Variants in DNAJC5B observed in about 807,000 individuals in gnomAD.
DNAJC5B encodes the protein DnaJ heat shock protein family (Hsp40) member C5 beta.
A neutral mutation model predicts 24.7 loss-of-function variants in DNAJC5B; 23 were observed. That is an observed-to-expected ratio of 0.93 (90% confidence interval 0.67 to 1.32). DNAJC5B has a LOEUF of 1.32. DNAJC5B is among the 40% of genes most tolerant of loss of function. The pLI, the probability that DNAJC5B is intolerant of heterozygous loss-of-function variation, is 0.00. For missense variants in DNAJC5B, 238 were observed against 240.8 expected, an observed-to-expected ratio of 0.99 and a Z score of 0.08; for synonymous variants, 101 against 90.1, an observed-to-expected ratio of 1.12 and a Z score of -0.68.
intron 1 of DNAJC5B, among the ~76,000 whole-genome samples, chr8:66,042,818 A>C (rs1287867849): frequency 6.6e-6 from 1 of 150,506 alleles, no homozygotes; most frequent in Admixed American, 6.7e-5. Flanking sequence ...AAAAACTCTC[A>C]ACTAGAGGTG....
At chr8:66,089,363 C>G (rs1023097133) in intron 5 of DNAJC5B, among the ~76,000 whole-genome samples, 2 of 152,170 alleles carry the variant, frequency 1.3e-5, no homozygotes, top group Non-Finnish European at 2.9e-5. Flanking sequence ...CAGAGCCAAA[C>G]CATATCAGTG....
At chr8:66,045,921 C>T (rs1563592532) in intron 2 of DNAJC5B, among the ~76,000 whole-genome samples, 1 of 152,150 alleles carries the variant, frequency 6.6e-6, no homozygotes, top group Non-Finnish European at 1.5e-5. Context: ...CATTGGTGTA[C>T]CCAGTAAAAG....
intron 3 of DNAJC5B, among the ~76,000 whole-genome samples, chr8:66,053,552 G>A (rs1012250223): frequency 6.6e-6 from 1 of 150,502 alleles, no homozygotes; most frequent in African/African-American, 2.4e-5. Context: ...TTAATATTCT[G>A]TTTCCTTCTA....
chr8:66,052,365 G>A lies in DNAJC5B; in HGVS notation c.119+699G>A, dbSNP rs113364828. On this transcript the variant is annotated intron_variant, in intron 3 of 5. Transcript: ENST00000276570. ...TGTATTTGTAAGCTATACTTCTCAAGCCCTTAATTTTGATCTTTTGTGGTC... is the reference window on the plus strand; with the variant it reads ...TGTATTTGTAAGCTATACTTCTCAAACCCTTAATTTTGATCTTTTGTGGTC... Among the ~76,000 whole-genome samples the A allele has an allele frequency of 7.5e-3, 1,135 of 152,180 alleles. 13 individuals are homozygous for A. Among genetic ancestry groups the A allele is most frequent in the Middle Eastern group, 0.014 (4 of 294 alleles).
At position 66,078,928 on chromosome 8, in the gene DNAJC5B, G is replaced by A. The variant is rs185688285; in HGVS notation, c.334-1449G>A. Among the ~76,000 whole-genome samples the A allele has an allele frequency of 2.4e-3, 367 of 152,198 alleles. 3 individuals carry two copies. The highest frequency in any genetic ancestry group is 8.6e-3 in the African/African-American group (356 of 41,532). On this transcript the variant is annotated intron_variant, in intron 4 of 5. Coordinates refer to ENST00000276570, the MANE Select transcript of DNAJC5B (RefSeq NM_033105.6). The stretch of plus-strand genomic sequence containing the variant: ...CCTGAAGTTATTGAAGAAATACACA[G>A]GCACACAAGTCCTCTTTGTCCCTCT...
chr8:66,031,004 A>G (rs981919952), intron 1 of DNAJC5B, among the ~76,000 whole-genome samples: 10 of 152,338 alleles, frequency 6.6e-5, no homozygotes, highest in African/African-American at 2.4e-4. Flanking sequence ...TCCTGGGCTT[A>G]TGCTCGTGAG....
intron 3 of DNAJC5B, among the ~76,000 whole-genome samples, chr8:66,069,145 A>T (rs1190334070): frequency 3.9e-5 from 6 of 152,122 alleles, no homozygotes; most frequent in Admixed American, 3.9e-4. Context: ...CAAGAAGGCA[A>T]GAAAGGAAAG....
In DNAJC5B at chr8:66,100,039, C is replaced by T. The variant is rs1172934305; in HGVS notation, c.*8C>T. ...TATTGCACAGACTCTTGATATTGAG[C>T]CCTCAGAGAGTCCACAGTCCCTCCT... On this transcript the variant is annotated 3_prime_UTR_variant, in exon 6 of 6. Coordinates refer to ENST00000276570, the MANE Select transcript of DNAJC5B (RefSeq NM_033105.6). 2 of 1,612,340 alleles carry T rather than the reference C, an allele frequency of 1.2e-6. No individual in the cohort carries two copies. Among genetic ancestry groups the T allele is most frequent in the East Asian group, 2.2e-5 (1 of 44,878 alleles).
chr8:66,019,253 G>A (rs1279849746), upstream of DNAJC5B, among the ~76,000 whole-genome samples: 1 of 152,202 alleles, frequency 6.6e-6, no homozygotes, highest in Non-Finnish European at 1.5e-5. Context: ...TCTAAGCAAG[G>A]TGACCTTTCA....
chr8:66,017,192 T>C (rs1219985290), upstream of DNAJC5B, among the ~76,000 whole-genome samples: 1 of 152,228 alleles, frequency 6.6e-6, no homozygotes, highest in Non-Finnish European at 1.5e-5. Context: ...ATTGTGTTTC[T>C]TGGATCTGTG....
intron 1 of DNAJC5B, among the ~76,000 whole-genome samples, chr8:66,032,933 A>C (rs2128956574): frequency 6.6e-6 from 1 of 152,312 alleles, no homozygotes; most frequent in Admixed American, 6.5e-5. Flanking sequence ...TGCTCTACGG[A>C]GTCCCCTTCA....
chr8:66,027,791 A>G (rs1055200883), intron 1 of DNAJC5B, among the ~76,000 whole-genome samples: 1 of 152,192 alleles, frequency 6.6e-6, no homozygotes, highest in Admixed American at 6.5e-5. Flanking sequence ...CTCCTCTCAT[A>G]CTATGTCCTT....
intron 5 of DNAJC5B, 41 bp from the exon 6 acceptor site, chr8:66,099,896 C>T (rs371615609): frequency 9.6e-6 from 15 of 1,565,864 alleles, no homozygotes; most frequent in Middle Eastern, 1.7e-4. Flanking sequence ...AGAACTGTAA[C>T]ATGATGAGAG....
intron 3 of DNAJC5B, among the ~76,000 whole-genome samples, chr8:66,055,731 T>C (rs1044656401): frequency 2.6e-5 from 4 of 152,058 alleles, no homozygotes; most frequent in Non-Finnish European, 4.4e-5. Context: ...TCACTTGAGG[T>C]CAGGAGTTTG....
At chr8:66,040,642 G>T (rs979086424) in intron 1 of DNAJC5B, among the ~76,000 whole-genome samples, 1 of 152,066 alleles carries the variant, frequency 6.6e-6, no homozygotes, top group African/African-American at 2.4e-5. Context: ...AGCGGCTCTC[G>T]ATCCAGGCAG....
chr8:66,058,700 G>A (rs1268187897), intron 3 of DNAJC5B, among the ~76,000 whole-genome samples: 1 of 152,178 alleles, frequency 6.6e-6, no homozygotes, highest in African/African-American at 2.4e-5. Flanking sequence ...CTTTATCATA[G>A]AGTCTTCCTG....
intron 3 of DNAJC5B, among the ~76,000 whole-genome samples, chr8:66,070,416 C>T (rs1054669895): frequency 2.0e-5 from 3 of 152,150 alleles, no homozygotes; most frequent in African/African-American, 7.2e-5. Context: ...ATACCAATAA[C>T]AGACAGAGAG....
chr8:66,088,761 GC>G (rs1339961851), intron 5 of DNAJC5B, among the ~76,000 whole-genome samples: 4 of 152,108 alleles, frequency 2.6e-5, no homozygotes, highest in Non-Finnish European at 5.9e-5. Context: ...AGTGACCTTT[GC>G]TTCAGTTCCC....
intron 1 of DNAJC5B, among the ~76,000 whole-genome samples, chr8:66,023,189 G>A (rs1033108199): frequency 3.3e-5 from 5 of 152,162 alleles, no homozygotes; most frequent in African/African-American, 1.2e-4. Flanking sequence ...TAAAGTTTAA[G>A]CCCCCTCACT....
Sources: allele counts gnomAD v4.1 joint callset (sites outside exome capture counted in the v4.1 genomes callset), GRCh38; gene constraint gnomAD v4.1.1; transcripts MANE v1.5; gene names NCBI Gene and HGNC (gene_info 2026-07-23, HGNC 2026-07-21).